Variants in RGS3 observed in about 807,000 individuals in gnomAD.
RGS3 encodes regulator of G-protein signalling 3.
In RGS3, 80 loss-of-function variants were observed where a neutral mutation model predicts 132.6. That is an observed-to-expected ratio of 0.60 (90% confidence interval 0.50 to 0.73). RGS3 has a LOEUF of 0.73. RGS3 is among the 30% of genes least tolerant of loss of function. The probability of loss-of-function intolerance (pLI) is 0.00; values close to 1 mark genes in which losing one functional copy is unlikely to be tolerated. For missense variants in RGS3, 1,382 were observed against 1,530.8 expected (o/e 0.90, Z 1.62); for synonymous variants, 598 against 620.6 (o/e 0.96, Z 0.54).
chr9:113,502,808 T>C (rs7872283), intron 10 of RGS3, among the ~76,000 whole-genome samples: 18,033 of 152,232 alleles, frequency 0.12, 1,276 homozygotes, highest in African/African-American at 0.19. Context: ...GCAAGCTTTT[T>C]GTCAGGTCTG....
intron 23 of RGS3, among the ~76,000 whole-genome samples, chr9:113,595,296 G>A (rs570896562): frequency 6.6e-6 from 1 of 152,234 alleles, no homozygotes; most frequent in African/African-American, 2.4e-5. Flanking sequence ...GGCGCCAAAT[G>A]TGCCTGCCAT....
At chr9:113,468,944 G>A (rs75586871) in intron 3 of RGS3, among the ~76,000 whole-genome samples, 5,207 of 152,078 alleles carry the variant, frequency 0.034, 162 homozygotes, top group Middle Eastern at 0.082. Flanking sequence ...ATGTAGGCTC[G>A]AGAGGACTGC....
intron 17 of RGS3, among the ~76,000 whole-genome samples, chr9:113,523,326 A>G (rs1378299825): frequency 6.6e-6 from 1 of 152,154 alleles, no homozygotes; most frequent in Non-Finnish European, 1.5e-5. Flanking sequence ...CCTGTGCTCA[A>G]ATCTTGGCCC....
At chr9:113,452,528 T>C (rs1274362835) in intron 1 of RGS3, among the ~76,000 whole-genome samples, 1 of 152,060 alleles carries the variant, frequency 6.6e-6, no homozygotes, top group Non-Finnish European at 1.5e-5. Context: ...CAGAGTTCAT[T>C]GACCTTCTTG....
intron 17 of RGS3, among the ~76,000 whole-genome samples, chr9:113,524,650 A>C (rs1223804690): frequency 6.6e-6 from 1 of 152,202 alleles, no homozygotes; most frequent in East Asian, 1.9e-4. Flanking sequence ...GTGTGGCTTC[A>C]GCTGGCCCTT....
chr9:113,580,891 G>A, intron 19 of RGS3: 1 of 985,670 alleles, frequency 1.0e-6, no homozygotes, highest in Non-Finnish European at 1.2e-6. Flanking sequence ...TCACCACCCA[G>A]GAAAGGGGAA....
At chr9:113,597,537 T>C (rs895619162) in exon 25 of RGS3, 1 of 152,692 alleles carries the variant, frequency 6.5e-6, no homozygotes, top group Non-Finnish European at 1.5e-5. Context: ...GGGGATATGC[T>C]CGTCCCGGGC....
chr9:113,519,210 G>A (rs903385070), intron 16 of RGS3, among the ~76,000 whole-genome samples: 4 of 152,020 alleles, frequency 2.6e-5, no homozygotes, highest in African/African-American at 9.7e-5. Context: ...GAATGGAGCC[G>A]GGTCATTTCT....
At chr9:113,568,325 G>A (rs1181501252) in intron 19 of RGS3, among the ~76,000 whole-genome samples, 1 of 152,232 alleles carries the variant, frequency 6.6e-6, no homozygotes, top group Non-Finnish European at 1.5e-5. Flanking sequence ...TATCCTCTGG[G>A]AAAAGCAGCA....
intron 19 of RGS3, among the ~76,000 whole-genome samples, chr9:113,566,081 G>A (rs1025789189): frequency 1.2e-4 from 19 of 152,262 alleles, no homozygotes; most frequent in African/African-American, 3.9e-4. Flanking sequence ...GGAGGGGAGC[G>A]CTCAGCCAGC....
At position 113,506,315 on chromosome 9, in the gene RGS3, C is replaced by A; in HGVS notation, c.980-73C>A. ...TCCTTGTCTGAGGTCACCATGGCAG[C>A]AAAGGACTCCAGATCCTTTGAAGGG... On this transcript the variant is annotated intron_variant, in intron 11 of 24. Coordinates refer to ENST00000350696, the Ensembl canonical transcript of RGS3. This position sits in a 1 kb window ranked among gnomAD's most constrained non-coding sequence, Gnocchi z 4.7. 1 of 920,378 alleles carries A rather than the reference C, an allele frequency of 1.1e-6. No individual in the cohort carries two copies. Among genetic ancestry groups the A allele is most frequent in the Non-Finnish European group, 1.7e-6 (1 of 583,340 alleles). The allele number at this position is 920,378 out of a possible 1,614,324, so 57.0% of individuals were successfully genotyped here. A position where few individuals can be genotyped will look rare whatever the true frequency, so the allele number is the denominator to read the frequency against.
At chr9:113,519,902 T>C (rs1831856564) in intron 16 of RGS3, among the ~76,000 whole-genome samples, 1 of 152,180 alleles carries the variant, frequency 6.6e-6, no homozygotes, top group Non-Finnish European at 1.5e-5. Context: ...CCCTGAGGTC[T>C]ATGGCCCTGT....
intron 19 of RGS3, among the ~76,000 whole-genome samples, chr9:113,538,199 T>C (rs1588218290): frequency 6.6e-6 from 1 of 152,324 alleles, no homozygotes; most frequent in Non-Finnish European, 1.5e-5. Context: ...CAGTAGGCAC[T>C]CACTCAACCA....
chr9:113,580,866 G>C lies in RGS3; in HGVS notation c.2038-2584G>C, dbSNP rs1241351689. 3 of 985,616 alleles carry C rather than the reference G, an allele frequency of 3.0e-6. No individual in the cohort carries two copies. The East Asian group carries it at 3.4e-4, about 112-fold the overall frequency. The allele number at this position is 985,616 out of a possible 1,614,324, so 61.1% of individuals were successfully genotyped here. A position where few individuals can be genotyped will look rare whatever the true frequency, so the allele number is the denominator to read the frequency against. On this transcript the variant is annotated intron_variant, in intron 19 of 24. Coordinates refer to ENST00000350696, the Ensembl canonical transcript of RGS3. ...TGACTGACAGTCACCACTGGGACAG[G>C]CCTGGGCCCCACCCTCACCACCCAG... is the stretch of plus-strand genomic sequence containing the variant.
At chr9:113,576,775 C>CTGGCTG (rs1834547723) in intron 19 of RGS3, among the ~76,000 whole-genome samples, 1 of 152,030 alleles carries the variant, frequency 6.6e-6, no homozygotes, top group Non-Finnish European at 1.5e-5. Flanking sequence ...GCCACAGCAA[C>CTGGCTG]GTTTTAAGCA....
intron 3 of RGS3, among the ~76,000 whole-genome samples, chr9:113,466,028 A>T (rs1207267467): frequency 6.6e-6 from 1 of 152,202 alleles, no homozygotes; most frequent in East Asian, 1.9e-4. Flanking sequence ...TATCAGAAGC[A>T]TGTGGGGAGC....
At chr9:113,468,851 A>G (rs1829732303) in intron 3 of RGS3, among the ~76,000 whole-genome samples, 1 of 152,048 alleles carries the variant, frequency 6.6e-6, no homozygotes, top group South Asian at 2.1e-4. Flanking sequence ...GGCTGTGGAC[A>G]TTGGGTGACA....
At chr9:113,482,886 A>T in intron 4 of RGS3, 173 bp from the exon 3 acceptor site, 2 of 1,463,984 alleles carry the variant, frequency 1.4e-6, no homozygotes, top group Non-Finnish European at 9.0e-7. Flanking sequence ...AATGGTGGTT[A>T]TGCAGATTAA....
intron 19 of RGS3, among the ~76,000 whole-genome samples, chr9:113,547,606 A>G (rs112924798): frequency 0.039 from 6,005 of 152,306 alleles, 162 homozygotes; most frequent in South Asian, 0.1. Flanking sequence ...AAGAACCGCA[A>G]TTACTTTGGC....
Sources: allele counts gnomAD v4.1 joint callset (sites outside exome capture counted in the v4.1 genomes callset), GRCh38; gene constraint gnomAD v4.1.1; non-coding constraint Gnocchi (gnomAD v3.1); transcripts MANE v1.5; gene names NCBI Gene and HGNC (gene_info 2026-07-23, HGNC 2026-07-21).